Variants in PRSS55 observed in about 807,000 individuals in gnomAD.
PRSS55 encodes serine protease 55, also known as probable serine protease UNQ9391/PRO34284.
PRSS55 carries 41 observed loss-of-function variants against 23.6 expected under a neutral mutation model. The ratio of observed to expected loss-of-function variants is 1.74; its 90% CI spans 1.35 to 2.26. The LOEUF is 2.26. Ranked by LOEUF, PRSS55 falls within the 30% of genes most tolerant of loss-of-function variation. The pLI is 0.00. For synonymous variants in PRSS55, 262 were observed against 175.5 expected, an observed-to-expected ratio of 1.49 and a Z score of -3.90; for missense variants, 669 against 439.1, an observed-to-expected ratio of 1.52 and a Z score of -4.68.
chr8:10,543,412 T>TG (rs1812715626), downstream of PRSS55, among the ~76,000 whole-genome samples: 2 of 32,718 alleles, frequency 6.1e-5, no homozygotes. Flanking sequence ...TTTCTTTCTT[T>TG]CTTCTTTCTT....
chr8:10,544,787 C>T (rs922481114), intron 4 of PRSS55, among the ~76,000 whole-genome samples: 6 of 152,166 alleles, frequency 3.9e-5, no homozygotes, highest in East Asian at 1.9e-4. Flanking sequence ...TTTCTTCCTA[C>T]GTAGTCCTAT....
At chr8:10,541,341 C>T (rs1812650735), downstream of PRSS55, 1 of 152,226 alleles carries the variant, frequency 6.6e-6, no homozygotes, top group Non-Finnish European at 1.5e-5. Flanking sequence ...TGAGCCTCAT[C>T]CAATCCGTTG....
downstream of PRSS55, among the ~76,000 whole-genome samples, chr8:10,542,414 C>CAGGGG (rs373640043): frequency 1.3e-5 from 1 of 79,706 alleles, no homozygotes; most frequent in African/African-American, 3.4e-5. Context: ...AAGCACCATG[C>CAGGGG]GGGGGAAAAA....
intron 2 of PRSS55, among the ~76,000 whole-genome samples, chr8:10,529,972 G>C (rs1310227812): frequency 2.0e-5 from 3 of 152,208 alleles, no homozygotes; most frequent in Non-Finnish European, 4.4e-5. Flanking sequence ...GCTTGATGGA[G>C]CCAAGCGGCT....
At chr8:10,553,755 C>G (rs1202645020) in intron 4 of PRSS55, among the ~76,000 whole-genome samples, 1 of 152,118 alleles carries the variant, frequency 6.6e-6, no homozygotes, top group African/African-American at 2.4e-5. Context: ...GTATTATAGA[C>G]CGGAAAATTG....
intron 4 of PRSS55, 35 bp from the exon 5 acceptor site, chr8:10,538,441 C>T (rs370326919): frequency 1.1e-5 from 17 of 1,521,478 alleles, no homozygotes; most frequent in African/African-American, 4.1e-5. Context: ...AGCTTAGAAC[C>T]GGACTCCCTG....
At chr8:10,539,813 A>G (rs1236634190), downstream of PRSS55, among the ~76,000 whole-genome samples, 2 of 152,152 alleles carry the variant, frequency 1.3e-5, no homozygotes, top group Non-Finnish European at 2.9e-5. Context: ...CTTTTTCTTT[A>G]TAAATTACCC....
chr8:10,552,543 C>G (rs1812973398), intron 4 of PRSS55, among the ~76,000 whole-genome samples: 1 of 151,974 alleles, frequency 6.6e-6, no homozygotes, highest in Admixed American at 6.6e-5. Context: ...GGGGTTAATC[C>G]CCAAAATATA....
At chr8:10,545,478 T>C (rs149055937) in intron 4 of PRSS55, among the ~76,000 whole-genome samples, 2 of 152,314 alleles carry the variant, frequency 1.3e-5, no homozygotes, top group East Asian at 3.9e-4. Flanking sequence ...TTTCTAAGCA[T>C]TTACTCTCCA....
chr8:10,531,646 A>C, intron 3 of PRSS55, 101 bp downstream of exon 3: 1 of 1,508,858 alleles, frequency 6.6e-7, no homozygotes, highest in Non-Finnish European at 8.9e-7. Flanking sequence ...GCATTGGAGC[A>C]GATTCCCGCT....
intron 2 of PRSS55, 31 bp downstream of exon 2, chr8:10,529,730 C>G (rs776257438): frequency 1.3e-6 from 2 of 1,593,242 alleles, no homozygotes; most frequent in East Asian, 4.5e-5. Flanking sequence ...ACTGCCACCT[C>G]TCAGGGCGCC....
At chr8:10,533,787 G>C (rs1344645284) in intron 4 of PRSS55, among the ~76,000 whole-genome samples, 6 of 152,114 alleles carry the variant, frequency 3.9e-5, no homozygotes, top group Non-Finnish European at 7.3e-5. Flanking sequence ...CTTGTCGTTG[G>C]TATAAAACCA....
Position 10,538,731 on chromosome 8 carries a change from C to T in PRSS55, c.997C>T (p.Pro333Ser), listed in dbSNP as rs367986560. 4 of 1,612,888 alleles carry T rather than the reference C, an allele frequency of 2.5e-6. No individual in the cohort carries two copies. The highest frequency in any genetic ancestry group is 1.3e-5 in the African/African-American group (1 of 74,924). ...PVSGVPEPGS[P>S]RSWLLLCPLS... is the part of the protein sequence containing the mutation. ...CTCGGGAGTCCCAGAGCCAGGCAGC[C>T]CCAGATCCTGGCTCCTGCTCTGTCC... is the stretch of plus-strand genomic sequence containing the variant. Residue 333 changes from proline to serine, a missense_variant, in exon 5 of 5, where the codon CCC (proline) becomes TCC (serine). Physicochemically the swap from Pro to Ser is moderately conservative, Grantham distance 74. Transcript: ENST00000328655.
At chr8:10,541,484 C>G (rs902497835), downstream of PRSS55, 1 of 152,180 alleles carries the variant, frequency 6.6e-6, no homozygotes, top group African/African-American at 2.4e-5. Context: ...CAGAGCAGCA[C>G]CACCAGCTCT....
intron 4 of PRSS55, among the ~76,000 whole-genome samples, chr8:10,548,332 G>A (rs1463586731): frequency 6.6e-6 from 1 of 152,142 alleles, no homozygotes; most frequent in Non-Finnish European, 1.5e-5. Context: ...CAGCCAGGCA[G>A]GTGACAGACA....
intron 1 of PRSS55, among the ~76,000 whole-genome samples, chr8:10,529,119 T>C (rs185929356): frequency 6.6e-6 from 1 of 152,216 alleles, no homozygotes; most frequent in Non-Finnish European, 1.5e-5. Context: ...TCTGGGGACA[T>C]GGCCCATTGG....
downstream of PRSS55, among the ~76,000 whole-genome samples, chr8:10,540,050 T>A (rs1173509114): frequency 1.4e-4 from 21 of 152,182 alleles, 1 homozygote; most frequent in Admixed American, 1.4e-3. Context: ...GTTCAGAGGC[T>A]CTCGCCTCTG....
At chr8:10,538,860 C>A (rs566855771), downstream of PRSS55, 26 of 1,423,302 alleles carry the variant, frequency 1.8e-5, no homozygotes, top group African/African-American at 3.0e-4. Flanking sequence ...AGCAGAGGCT[C>A]TGTCTGCAGC....
chr8:10,529,383 C>T (rs1395612996), intron 1 of PRSS55, 124 bp from the exon 2 acceptor site: 3 of 985,644 alleles, frequency 3.0e-6, no homozygotes, highest in Non-Finnish European at 4.8e-6. Context: ...CAGTGAGCTC[C>T]TCTCTAGAAT....
Sources: allele counts gnomAD v4.1 joint callset (sites outside exome capture counted in the v4.1 genomes callset), GRCh38; gene constraint gnomAD v4.1.1; transcripts MANE v1.5; gene names NCBI Gene and HGNC (gene_info 2026-07-23, HGNC 2026-07-21).